FBXL7: variants seen among roughly 807,000 people sequenced by gnomAD.
FBXL7 encodes F-box and leucine rich repeat protein 7.
FBXL7 carries 12 observed loss-of-function variants against 38.3 expected under a neutral mutation model. That is an observed-to-expected ratio of 0.31 (90% CI 0.20 to 0.51). The LOEUF (loss-of-function observed/expected upper bound fraction) is 0.51. Among genes scored for constraint, FBXL7 ranks in the 20% least tolerant of loss-of-function variants. The pLI is 0.98. For synonymous variants in FBXL7, 297 were observed against 300.9 expected, an observed-to-expected ratio of 0.99 and a Z score of 0.13; for missense variants, 567 against 676.4, an observed-to-expected ratio of 0.84 and a Z score of 1.79.
intron 2 of FBXL7, among the ~76,000 whole-genome samples, chr5:15,680,855 G>A (rs568881350): frequency 4.6e-5 from 7 of 152,256 alleles, no homozygotes; most frequent in African/African-American, 1.4e-4. Context: ...TGTGGGTTAT[G>A]GCTTTAATTA....
intron 2 of FBXL7, among the ~76,000 whole-genome samples, chr5:15,814,891 T>C (rs890640662): frequency 1.3e-5 from 2 of 152,142 alleles, no homozygotes; most frequent in African/African-American, 4.8e-5. Context: ...AGCAGTGGCC[T>C]GGCGCTGTAT....
At chr5:15,729,510 T>A (rs4320259) in intron 2 of FBXL7, among the ~76,000 whole-genome samples, 82,731 of 151,888 alleles carry the variant, frequency 0.54, 22,634 homozygotes, top group East Asian at 0.67. Context: ...AAAGAAAAAA[T>A]TACTGTTATT....
chr5:15,679,190 C>T (rs913410305), intron 2 of FBXL7, among the ~76,000 whole-genome samples: 5 of 152,196 alleles, frequency 3.3e-5, no homozygotes, highest in African/African-American at 9.6e-5. Context: ...CTATCTACGC[C>T]TCTGCTGGGA....
At chr5:15,894,502 T>C (rs1479954184) in intron 2 of FBXL7, among the ~76,000 whole-genome samples, 1 of 152,236 alleles carries the variant, frequency 6.6e-6, no homozygotes, top group Non-Finnish European at 1.5e-5. Flanking sequence ...ATAGATATCA[T>C]GCAGGTATAA....
chr5:15,776,782 T>C (rs1736866732), intron 2 of FBXL7, among the ~76,000 whole-genome samples: 1 of 152,168 alleles, frequency 6.6e-6, no homozygotes, highest in South Asian at 2.1e-4. Context: ...ACCTTAAATA[T>C]TCTTATGTTC....
chr5:15,640,118 A>G (rs1229960512), intron 2 of FBXL7, among the ~76,000 whole-genome samples: 4 of 152,230 alleles, frequency 2.6e-5, no homozygotes, highest in East Asian at 3.8e-4. Context: ...TAGCACTGCC[A>G]TAACAAAGTA....
At chr5:15,641,047 T>C (rs1439587382) in intron 2 of FBXL7, among the ~76,000 whole-genome samples, 1 of 152,220 alleles carries the variant, frequency 6.6e-6, no homozygotes, top group Non-Finnish European at 1.5e-5. Context: ...ACTGAGTTTC[T>C]TGTGGCCTGA....
chr5:15,855,155 G>A (rs924026190), intron 2 of FBXL7, among the ~76,000 whole-genome samples: 2 of 151,872 alleles, frequency 1.3e-5, no homozygotes, highest in Non-Finnish European at 2.9e-5. Flanking sequence ...CAAGGGCCAT[G>A]GTTTATTTTT....
chr5:15,609,094 C>T (rs1413300602), intron 1 of FBXL7, among the ~76,000 whole-genome samples: 3 of 152,176 alleles, frequency 2.0e-5, no homozygotes, highest in Non-Finnish European at 2.9e-5. Context: ...CACAGATTCC[C>T]CATCACTCCA....
At chr5:15,770,387 G>C (rs1477522872) in intron 2 of FBXL7, among the ~76,000 whole-genome samples, 1 of 152,150 alleles carries the variant, frequency 6.6e-6, no homozygotes, top group Non-Finnish European at 1.5e-5. Flanking sequence ...GAAAAACTTT[G>C]CTTTCCTGAT....
chr5:15,644,205 TC>T (rs1174369986), intron 2 of FBXL7, among the ~76,000 whole-genome samples: 2 of 148,728 alleles, frequency 1.3e-5, no homozygotes. Flanking sequence ...ACGCCTGTAA[TC>T]CCAGCACTTT....
At chr5:15,620,069 G>T (rs1466625490) in intron 2 of FBXL7, among the ~76,000 whole-genome samples, 1 of 152,168 alleles carries the variant, frequency 6.6e-6, no homozygotes, top group Admixed American at 6.5e-5. Flanking sequence ...TTACTGGGGA[G>T]ATGACAATGT....
At chr5:15,772,994 A>C (rs1186289965) in intron 2 of FBXL7, among the ~76,000 whole-genome samples, 1 of 152,010 alleles carries the variant, frequency 6.6e-6, no homozygotes, top group East Asian at 1.9e-4. Context: ...TCCTGGGCTC[A>C]AGCGATCCTC....
At chr5:15,514,994 G>C (rs1736897212) in intron 1 of FBXL7, among the ~76,000 whole-genome samples, 1 of 152,146 alleles carries the variant, frequency 6.6e-6, no homozygotes, top group Non-Finnish European at 1.5e-5. Context: ...TTCTCTCCTT[G>C]CCTTTCATAA....
At position 15,937,095 on chromosome 5, in the gene FBXL7, A is replaced by T; in HGVS notation, c.1385A>T (p.Gln462Leu). ...NCFDLQTLNV[Q>L]DCEVSVEALR... ...TTTGACCTCCAGACGCTGAATGTCC[A>T]GGACTGCGAGGTCTCCGTGGAGGCC... The change falls in exon 4 of 4, where the codon CAG becomes CTG. Residue 462 changes from glutamine to leucine, a missense_variant. By Grantham distance (113) the Gln-to-Leu change is moderately radical. Transcript: ENST00000504595. 1 of 1,613,956 alleles carries T rather than the reference A, an allele frequency of 6.2e-7. No individual in the cohort carries two copies. Among genetic ancestry groups the T allele is most frequent in the Non-Finnish European group, 8.5e-7 (1 of 1,179,864 alleles).
chr5:15,654,609 A>C (rs185736295), intron 2 of FBXL7, among the ~76,000 whole-genome samples: 15 of 152,172 alleles, frequency 9.9e-5, no homozygotes, highest in Admixed American at 6.5e-4. Flanking sequence ...AGGTTTTTTA[A>C]AGTATTCAAA....
intron 2 of FBXL7, among the ~76,000 whole-genome samples, chr5:15,887,080 A>G (rs573577438): frequency 2.0e-5 from 3 of 152,330 alleles, no homozygotes; most frequent in Admixed American, 6.5e-5. Flanking sequence ...ATAAATGTGT[A>G]TCTCCCATAA....
chr5:15,693,139 A>G (rs1168968200), intron 2 of FBXL7, among the ~76,000 whole-genome samples: 1 of 152,210 alleles, frequency 6.6e-6, no homozygotes, highest in African/African-American at 2.4e-5. Context: ...TCCAAATGTC[A>G]GAGCTAGAAC....
At chr5:15,700,888 G>A (rs1226186521) in intron 2 of FBXL7, among the ~76,000 whole-genome samples, 1 of 151,996 alleles carries the variant, frequency 6.6e-6, no homozygotes, top group African/African-American at 2.4e-5. Flanking sequence ...CCCTGGTGAG[G>A]TTGTATATAA....
Sources: allele counts gnomAD v4.1 joint callset (sites outside exome capture counted in the v4.1 genomes callset), GRCh38; gene constraint gnomAD v4.1.1; transcripts MANE v1.5; gene names NCBI Gene and HGNC (gene_info 2026-07-23, HGNC 2026-07-21).